SMOC2: variants seen among roughly 807,000 people sequenced by gnomAD.
SMOC2 encodes the protein SPARC related modular calcium binding 2.
SMOC2 carries 39 observed loss-of-function variants against 61.4 expected under a neutral mutation model. That is an observed-to-expected ratio of 0.64 (90% confidence interval 0.49 to 0.83). SMOC2 has a LOEUF of 0.83. SMOC2 is among the 40% of genes least tolerant of loss of function. The pLI is 0.00. For missense variants in SMOC2, 556 were observed against 592.9 expected, an observed-to-expected ratio of 0.94 and a Z score of 0.65; for synonymous variants, 247 against 239.9, an observed-to-expected ratio of 1.03 and a Z score of -0.27.
At chr6:168,458,458 A>T (rs1451381494) in intron 1 of SMOC2, among the ~76,000 whole-genome samples, 1 of 152,190 alleles carries the variant, frequency 6.6e-6, no homozygotes, top group Non-Finnish European at 1.5e-5. Flanking sequence ...CCCACTCGCC[A>T]TGGGTTTGGA....
At chr6:168,638,635 G>A (rs191560363) in intron 9 of SMOC2, among the ~76,000 whole-genome samples, 42 of 152,256 alleles carry the variant, frequency 2.8e-4, no homozygotes, top group South Asian at 4.2e-4. Context: ...AGGGACAGCC[G>A]GAATTCCCGC....
chr6:168,651,515 C>A (rs1420203613), intron 10 of SMOC2, among the ~76,000 whole-genome samples: 1 of 152,148 alleles, frequency 6.6e-6, no homozygotes, highest in Non-Finnish European at 1.5e-5. Flanking sequence ...TTATCTGTTT[C>A]TTTCAAATAA....
intron 7 of SMOC2, among the ~76,000 whole-genome samples, chr6:168,558,547 T>TATC (rs1434724796): frequency 1.3e-5 from 2 of 152,188 alleles, no homozygotes; most frequent in Non-Finnish European, 2.9e-5. Context: ...GCATTTTACC[T>TATC]ATCTGGGTTT....
At chr6:168,442,517 A>G (rs569860474) in intron 1 of SMOC2, among the ~76,000 whole-genome samples, 1 of 152,380 alleles carries the variant, frequency 6.6e-6, no homozygotes, top group Admixed American at 6.5e-5. Context: ...CATTCCACTT[A>G]AATGTGTTTT....
rs1448437033 is a variant in SMOC2 at position 168,441,469 on chromosome 6, G to A, written c.84+15G>A. 4 of 1,488,914 alleles carry A rather than the reference G, an allele frequency of 2.7e-6. No homozygotes were observed. The highest frequency in any genetic ancestry group is 2.7e-6 in the Non-Finnish European group (3 of 1,123,408). The allele number at this position is 1,488,914 out of a possible 1,614,324, so 92.2% of individuals were successfully genotyped here. ...CGGCGCTCACGGTAAGCCCGGGCCC[G>A]CGGGACCTGGAGCTCAAGTGGTGCC... is the stretch of plus-strand genomic sequence containing the variant. On this transcript the variant is annotated intron_variant, in intron 1 of 12. Transcript: ENST00000356284.
At chr6:168,649,000 G>A (rs1322554) in intron 9 of SMOC2, among the ~76,000 whole-genome samples, 98,188 of 151,708 alleles carry the variant, frequency 0.65, 31,813 homozygotes, top group Admixed American at 0.69. Context: ...ACGTGCCCTC[G>A]ACCCAGGGGT....
chr6:168,479,668 T>C (rs1207855026), intron 1 of SMOC2, among the ~76,000 whole-genome samples: 1 of 152,244 alleles, frequency 6.6e-6, no homozygotes, highest in Non-Finnish European at 1.5e-5. Flanking sequence ...ACAGGCTGCA[T>C]GCAGTTTGTG....
At chr6:168,628,606 T>C (rs1786481269) in intron 9 of SMOC2, among the ~76,000 whole-genome samples, 1 of 152,224 alleles carries the variant, frequency 6.6e-6, no homozygotes, top group Admixed American at 6.5e-5. Flanking sequence ...ACATAAATTA[T>C]ACTTTTATTT....
At chr6:168,523,335 G>A (rs1396452922) in intron 2 of SMOC2, among the ~76,000 whole-genome samples, 18 of 147,534 alleles carry the variant, frequency 1.2e-4, no homozygotes, top group Non-Finnish European at 2.5e-4. Flanking sequence ...AGATCCACCC[G>A]CCTCGGCCTC....
In SMOC2 at chr6:168,553,943, C is replaced by T. The variant is rs1784186213; in HGVS notation, c.637+4740C>T. Among the ~76,000 whole-genome samples, 1 of 151,302 alleles carries T rather than the reference C, an allele frequency of 6.6e-6. No homozygotes were observed. The highest frequency in any genetic ancestry group is 1.5e-5 in the Non-Finnish European group (1 of 68,020). On this transcript the variant is annotated intron_variant, in intron 7 of 12. Transcript: ENST00000356284. The surrounding 1 kb of genome is among the most constrained non-coding windows in gnomAD (Gnocchi z 4.2). ...ACTGCGTGTGCTGTGCATGGTGCCCCTTCCCCACCAGGTATCAGCGTTTTT... is the reference window on the plus strand; with the variant it reads ...ACTGCGTGTGCTGTGCATGGTGCCCTTTCCCCACCAGGTATCAGCGTTTTT...
chr6:168,611,409 G>A (rs1412583923), intron 9 of SMOC2, among the ~76,000 whole-genome samples: 1 of 117,402 alleles, frequency 8.5e-6, no homozygotes, highest in South Asian at 3.4e-4. Flanking sequence ...TCTCATGTCC[G>A]GGACCCACCG....
chr6:168,457,935 G>C (rs1781625654), intron 1 of SMOC2, among the ~76,000 whole-genome samples: 1 of 152,132 alleles, frequency 6.6e-6, no homozygotes, highest in Non-Finnish European at 1.5e-5. Context: ...CTTCTGGGGA[G>C]GGGGGCAGCA....
intron 9 of SMOC2, among the ~76,000 whole-genome samples, chr6:168,613,367 G>A (rs1414178401): frequency 6.6e-6 from 1 of 152,166 alleles, no homozygotes; most frequent in Non-Finnish European, 1.5e-5. Flanking sequence ...AGGACAGAGG[G>A]GGCGGCATGA....
chr6:168,450,597 T>C (rs1010180574), intron 1 of SMOC2, among the ~76,000 whole-genome samples: 2 of 152,184 alleles, frequency 1.3e-5, no homozygotes, highest in African/African-American at 4.8e-5. Flanking sequence ...AAATGAGATA[T>C]TCATGTTGAA....
chr6:168,495,275 A>T (rs1782559134), intron 1 of SMOC2, among the ~76,000 whole-genome samples: 1 of 151,596 alleles, frequency 6.6e-6, no homozygotes, highest in African/African-American at 2.4e-5. Flanking sequence ...CTGCGGGTCC[A>T]CCCCCCTCTA....
chr6:168,600,494 C>A lies in SMOC2; in HGVS notation c.824+1490C>A, dbSNP rs144073156. Among the ~76,000 whole-genome samples the A allele has an allele frequency of 1.4e-3, 217 of 152,054 alleles. 3 individuals are homozygous for A. In the South Asian group the frequency reaches 0.021, roughly 15 times the overall value. ...TGGAGGAAACCATTTCTTTGATGGC[C>A]TCCAAAAGCACCCGAGTGGCAGCTG... On this transcript the variant is annotated intron_variant, in intron 8 of 12. Transcript: ENST00000356284.
At chr6:168,520,524 C>G (rs556720910) in intron 2 of SMOC2, among the ~76,000 whole-genome samples, 24 of 152,294 alleles carry the variant, frequency 1.6e-4, no homozygotes, top group African/African-American at 5.8e-4. Context: ...TTTACATGGC[C>G]GTGGCCATAA....
chr6:168,586,393 T>A (rs1229038297), intron 7 of SMOC2, among the ~76,000 whole-genome samples: 1 of 152,210 alleles, frequency 6.6e-6, no homozygotes, highest in Non-Finnish European at 1.5e-5. Flanking sequence ...ATTACTGGCT[T>A]TATAATGATT....
chr6:168,523,022 C>A (rs1026460848), intron 2 of SMOC2, among the ~76,000 whole-genome samples: 2 of 148,846 alleles, frequency 1.3e-5, no homozygotes, highest in Admixed American at 1.3e-4. Flanking sequence ...GCCACTGAAT[C>A]GTTCACTTTA....
Sources: allele counts gnomAD v4.1 joint callset (sites outside exome capture counted in the v4.1 genomes callset), GRCh38; gene constraint gnomAD v4.1.1; non-coding constraint Gnocchi (gnomAD v3.1); transcripts MANE v1.5; gene names NCBI Gene and HGNC (gene_info 2026-07-23, HGNC 2026-07-21).